Variants in ERAP1 observed in about 807,000 individuals in gnomAD.
The protein encoded by ERAP1 is endoplasmic reticulum aminopeptidase 1, also known as adipocyte-derived leucine aminopeptidase.
ERAP1 carries 86 observed loss-of-function variants against 103.7 expected under a neutral mutation model. The ratio of observed to expected loss-of-function variants is 0.83; its 90% CI spans 0.70 to 0.99. ERAP1 has a LOEUF of 0.99. ERAP1 is among the 50% of genes least tolerant of loss of function. ERAP1 has a pLI of 0.00. For synonymous variants in ERAP1, 398 were observed against 402.4 expected (o/e 0.99, Z 0.13); for missense variants, 1,009 against 1,128.4 (o/e 0.89, Z 1.52).
At chr5:96,914,014 T>C in the ERAP1 span, among the ~76,000 whole-genome samples, 1 of 152,120 alleles carries the variant, frequency 6.6e-6, no homozygotes, top group Non-Finnish European at 1.5e-5. Context: ...GGTTTCAACT[T>C]TGGGGAGAAC....
At chr5:96,842,617 C>A in the ERAP1 span, among the ~76,000 whole-genome samples, 10 of 152,202 alleles carry the variant, frequency 6.6e-5, no homozygotes, top group East Asian at 1.9e-3. Context: ...ATGTTCTTTG[C>A]CCACTTTTTG....
chr5:96,776,040 G>A lies in ERAP1; in HGVS notation c.*356C>T, dbSNP rs560460906. On this transcript the variant is annotated 3_prime_UTR_variant, in exon 19 of 19. Transcript: ENST00000443439. ...AGTAGTCGACTATTCAGAGTCTTTC[G>A]AGGAGACTGATGAAACAGTTTATGA... The A allele has an allele frequency of 7.8e-5, 92 of 1,176,216 alleles. No homozygotes were observed. The African/African-American group carries it at 1.2e-3, about 15-fold the overall frequency. 72.9% of individuals were successfully genotyped at this position (1,176,216 alleles called of 1,614,324 possible).
intron 11 of ERAP1, among the ~76,000 whole-genome samples, chr5:96,787,655 A>C (rs575482805): frequency 3.9e-5 from 6 of 152,264 alleles, no homozygotes; most frequent in Non-Finnish European, 7.4e-5. Flanking sequence ...CAGTTCAGAA[A>C]AACATATGCC....
chr5:96,883,393 T>C, the ERAP1 span, among the ~76,000 whole-genome samples: 1 of 152,234 alleles, frequency 6.6e-6, no homozygotes, highest in Non-Finnish European at 1.5e-5. Context: ...AATGTCTATC[T>C]GAGGCCCTTT....
At chr5:96,791,344 G>A (rs1380628958) in intron 8 of ERAP1, among the ~76,000 whole-genome samples, 1 of 152,146 alleles carries the variant, frequency 6.6e-6, no homozygotes, top group Non-Finnish European at 1.5e-5. Flanking sequence ...TTTTTCCCCT[G>A]GACTTTCAAT....
chr5:96,903,583 T>G, the ERAP1 span: 6 of 1,574,670 alleles, frequency 3.8e-6, no homozygotes, highest in Middle Eastern at 3.4e-4. Flanking sequence ...TTCCTCTGAC[T>G]TCATGCAAAA....
intron 18 of ERAP1, chr5:96,779,488 C>T (rs577682570): frequency 3.9e-5 from 6 of 152,296 alleles, no homozygotes; most frequent in East Asian, 1.9e-4. Context: ...AAAAAAGCTA[C>T]GAGACTGTAA....
the ERAP1 span, among the ~76,000 whole-genome samples, chr5:96,831,166 G>A: frequency 6.6e-6 from 1 of 152,198 alleles, no homozygotes; most frequent in Non-Finnish European, 1.5e-5. Flanking sequence ...GGAAGGTAAA[G>A]GGGAAGCAAG....
chr5:96,903,439 T>G, the ERAP1 span: 9 of 1,614,028 alleles, frequency 5.6e-6, no homozygotes, highest in African/African-American at 1.3e-5. Context: ...AAATGGTTAC[T>G]ACATCGTTCA....
At chr5:96,898,973 C>T in the ERAP1 span, among the ~76,000 whole-genome samples, 11 of 152,060 alleles carry the variant, frequency 7.2e-5, no homozygotes, top group East Asian at 1.9e-4. Context: ...CCCTCCAACA[C>T]GGAAGAATCT....
At chr5:96,856,377 G>T in the ERAP1 span, among the ~76,000 whole-genome samples, 142 of 100,036 alleles carry the variant, frequency 1.4e-3, no homozygotes, top group Non-Finnish European at 1.8e-3. Context: ...GAGAGAGAGA[G>T]AGAGAGAGAG....
At position 96,793,650 on chromosome 5, in the gene ERAP1, A is replaced by T; in HGVS notation, c.1075-137T>A. ...AAGGTAAAAATAAAAAAAGTTCAAC[A>T]TGCATTATAAGACATAAAAACGAAT... On this transcript the variant is annotated intron_variant, in intron 6 of 18. Coordinates refer to ENST00000443439, the MANE Select transcript of ERAP1 (RefSeq NM_001040458.3). 4.7e-6 allele frequency: 5 copies of T among 1,073,608 alleles called. No homozygotes were observed. In the South Asian group the frequency reaches 5.8e-5, roughly 12 times the overall value. The allele number at this position is 1,073,608 out of a possible 1,614,324, so 66.5% of individuals were successfully genotyped here. A position where few individuals can be genotyped will look rare whatever the true frequency, so the allele number is the denominator to read the frequency against.
At chr5:96,913,222 T>C in the ERAP1 span, 1 of 980,746 alleles carries the variant, frequency 1.0e-6, no homozygotes. Context: ...ATCATGCCTC[T>C]TTCTGTTCTA....
chr5:96,865,332 G>A, the ERAP1 span, among the ~76,000 whole-genome samples: 1 of 152,280 alleles, frequency 6.6e-6, no homozygotes, highest in Non-Finnish European at 1.5e-5. Context: ...CATTTCTAAT[G>A]TCTTCACTGA....
chr5:96,881,959 T>C, the ERAP1 span, among the ~76,000 whole-genome samples: 1 of 137,932 alleles, frequency 7.2e-6, no homozygotes, highest in African/African-American at 2.7e-5. Flanking sequence ...AGGATTCCAC[T>C]GGAACCAAGG....
the ERAP1 span, among the ~76,000 whole-genome samples, chr5:96,869,833 G>A: frequency 1.3e-5 from 2 of 152,234 alleles, no homozygotes; most frequent in East Asian, 3.8e-4. Context: ...CCTTTTTGGA[G>A]GCTTAGGGAA....
chr5:96,769,492 G>A (rs1332305750), downstream of ERAP1: 2 of 151,506 alleles, frequency 1.3e-5, no homozygotes. Context: ...TATATTTGAG[G>A]TTTACAACAT....
intron 18 of ERAP1, among the ~76,000 whole-genome samples, chr5:96,777,929 A>G (rs1027273141): frequency 2.3e-4 from 35 of 152,212 alleles, no homozygotes; most frequent in Admixed American, 5.9e-4. Context: ...ATTTCTGTGC[A>G]ATAAGTAGCA....
chr5:96,918,192 A>T, the ERAP1 span: 1 of 152,376 alleles, frequency 6.6e-6, no homozygotes, highest in East Asian at 1.9e-4. Flanking sequence ...ATATATGTGG[A>T]GATACAGACA....
Sources: gnomAD v4.1 joint callset for allele counts (sites outside exome capture counted in the v4.1 genomes callset) on GRCh38, gnomAD v4.1.1 for gene constraint, MANE v1.5 for transcripts, NCBI Gene and HGNC (gene_info 2026-07-23, HGNC 2026-07-21) for gene names.